Variants in ANTXR2 observed in about 807,000 individuals in gnomAD.
The protein encoded by ANTXR2 is ANTXR cell adhesion molecule 2.
Under a neutral mutation model 73.7 loss-of-function variants are expected in ANTXR2, and 44 were observed. The observed-to-expected ratio is 0.60, with a 90% CI of 0.47 to 0.77. ANTXR2 has a LOEUF of 0.77. Among genes scored for constraint, ANTXR2 ranks in the 30% least tolerant of loss-of-function variants. The pLI, the probability that ANTXR2 is intolerant of heterozygous loss-of-function variation, is 0.00. For missense variants in ANTXR2, 604 were observed against 592.5 expected (o/e 1.02, Z -0.20); for synonymous variants, 217 against 205.9 (o/e 1.05, Z -0.46).
At chr4:79,924,269 C>T (rs933682560) in intron 16 of ANTXR2, among the ~76,000 whole-genome samples, 3 of 152,046 alleles carry the variant, frequency 2.0e-5, no homozygotes, top group Admixed American at 6.6e-5. Context: ...GGTTTAAATA[C>T]TGGGTACTTC....
chr4:79,951,579 A>C (rs60021165), intron 16 of ANTXR2, among the ~76,000 whole-genome samples: 61 of 123,362 alleles, frequency 4.9e-4, no homozygotes, highest in African/African-American at 1.3e-3. Flanking sequence ...CTATCTCAAA[A>C]AACAACAACA....
At chr4:79,973,810 G>A (rs1333000008) in intron 16 of ANTXR2, among the ~76,000 whole-genome samples, 2 of 152,152 alleles carry the variant, frequency 1.3e-5, no homozygotes, top group Non-Finnish European at 2.9e-5. Flanking sequence ...TGGGGGTGAA[G>A]ATTTCTCAAG....
At chr4:80,061,994 T>C (rs966793435) in intron 3 of ANTXR2, among the ~76,000 whole-genome samples, 1 of 152,192 alleles carries the variant, frequency 6.6e-6, no homozygotes, top group African/African-American at 2.4e-5. Context: ...AGGTTTCAAA[T>C]GAGTGAAAGA....
intron 12 of ANTXR2, among the ~76,000 whole-genome samples, chr4:79,986,815 G>A (rs1730187480): frequency 6.6e-6 from 1 of 152,114 alleles, no homozygotes; most frequent in Non-Finnish European, 1.5e-5. Flanking sequence ...ACCTCGAGAG[G>A]TCAAAGAACA....
intron 7 of ANTXR2, among the ~76,000 whole-genome samples, chr4:80,046,593 G>A (rs1733523255): frequency 6.6e-6 from 1 of 151,668 alleles, no homozygotes; most frequent in South Asian, 2.1e-4. Context: ...GTTTTACTAA[G>A]ACATGAAGTA....
At chr4:79,954,565 A>G (rs945363189) in intron 16 of ANTXR2, among the ~76,000 whole-genome samples, 2 of 152,122 alleles carry the variant, frequency 1.3e-5, no homozygotes, top group Non-Finnish European at 2.9e-5. Context: ...AGCCTTGTGC[A>G]ATGTGCCACT....
intron 10 of ANTXR2, among the ~76,000 whole-genome samples, chr4:80,028,085 A>C (rs920335297): frequency 1.3e-5 from 2 of 152,186 alleles, no homozygotes; most frequent in Non-Finnish European, 2.9e-5. Flanking sequence ...AAAAATAGAA[A>C]ACAACCTCAC....
chr4:79,987,628 T>C (rs1312327867), intron 12 of ANTXR2, among the ~76,000 whole-genome samples: 3 of 152,056 alleles, frequency 2.0e-5, no homozygotes, highest in Non-Finnish European at 4.4e-5. Flanking sequence ...ATTCAGAGAA[T>C]CTTTAAAATA....
chr4:79,928,917 A>G (rs2109957597), intron 16 of ANTXR2, among the ~76,000 whole-genome samples: 1 of 152,352 alleles, frequency 6.6e-6, no homozygotes, highest in African/African-American at 2.4e-5. Flanking sequence ...GTGTAACTCA[A>G]AATTATATTT....
In ANTXR2 at chr4:80,055,464, T is replaced by A. The variant is rs372783343; in HGVS notation, c.382A>T (p.Asn128Tyr). 2 of 1,607,694 alleles carry A rather than the reference T, an allele frequency of 1.2e-6. No homozygotes were observed. Among genetic ancestry groups the A allele is most frequent in the African/African-American group, 2.7e-5 (2 of 74,636 alleles). The change falls in exon 5 of 17, where the codon AAT becomes TAT. Residue 128 changes from asparagine (N) to tyrosine (Y), a missense_variant. Asn to Tyr is a moderately radical substitution (Grantham distance 143). Coordinates refer to ENST00000403729, the MANE Select transcript of ANTXR2 (RefSeq NM_058172.6). ...CCTCCTGCTTTCTGAATTTGTTCAT[T>A]CGCCTGAAAATGAAGAATAATTATC... ...TYIHEGLKLA[N>Y]EQIQKAGGLK...
chr4:79,987,183 A>G (rs1730205736), intron 12 of ANTXR2, among the ~76,000 whole-genome samples: 2 of 152,052 alleles, frequency 1.3e-5, no homozygotes, highest in Non-Finnish European at 2.9e-5. Flanking sequence ...GATGGCGGAG[A>G]AGCCCAGTGA....
At chr4:80,026,564 A>G (rs1383916147) in intron 10 of ANTXR2, among the ~76,000 whole-genome samples, 1 of 152,156 alleles carries the variant, frequency 6.6e-6, no homozygotes, top group Non-Finnish European at 1.5e-5. Flanking sequence ...ATAGGTGTCC[A>G]TCTTTAAATA....
intron 16 of ANTXR2, among the ~76,000 whole-genome samples, chr4:79,935,116 C>T (rs1728211001): frequency 6.6e-6 from 1 of 151,806 alleles, no homozygotes; most frequent in Non-Finnish European, 1.5e-5. Flanking sequence ...CTGAATAATG[C>T]TGGCCTTTGC....
intron 7 of ANTXR2, among the ~76,000 whole-genome samples, chr4:80,039,471 A>G (rs1733131940): frequency 6.6e-6 from 1 of 152,168 alleles, no homozygotes; most frequent in Non-Finnish European, 1.5e-5. Flanking sequence ...CAAGATATCA[A>G]AATGGGTGAA....
intron 4 of ANTXR2, 73 bp from the exon 5 acceptor site, chr4:80,055,540 A>G: frequency 1.6e-6 from 2 of 1,262,886 alleles, no homozygotes; most frequent in Non-Finnish European, 2.2e-6. Flanking sequence ...ATCAAGCTGA[A>G]TTTGTAAGTC....
At chr4:79,973,233 A>G (rs1729498781) in intron 16 of ANTXR2, among the ~76,000 whole-genome samples, 1 of 152,250 alleles carries the variant, frequency 6.6e-6, no homozygotes, top group Non-Finnish European at 1.5e-5. Context: ...CCCTTCAATT[A>G]TCCTAATAAT....
At position 79,902,870 on chromosome 4, in the gene ANTXR2, G is replaced by T. The variant is rs986829225; in HGVS notation, c.*4559C>A. On this transcript the variant is annotated 3_prime_UTR_variant, in exon 17 of 17. Transcript: ENST00000403729. ...CATATTAATAGAAATGTAGTCAGAGGCCTGGTGCAGTAGCTTGTGCCTGTA... is the reference window on the plus strand; with the variant it reads ...CATATTAATAGAAATGTAGTCAGAGTCCTGGTGCAGTAGCTTGTGCCTGTA... 2 of 152,040 alleles carry T rather than the reference G, an allele frequency of 1.3e-5. No homozygotes were observed. Among genetic ancestry groups the T allele is most frequent in the Non-Finnish European group, 2.9e-5 (2 of 68,016 alleles). The allele number at this position is 152,040 out of a possible 1,614,324, so 9.4% of individuals were successfully genotyped here. A position where few individuals can be genotyped will look rare whatever the true frequency, so the allele number is the denominator to read the frequency against.
At chr4:79,989,488 G>T (rs747572619) in intron 12 of ANTXR2, among the ~76,000 whole-genome samples, 43 of 151,736 alleles carry the variant, frequency 2.8e-4, no homozygotes, top group Non-Finnish European at 5.9e-4. Flanking sequence ...AACTTGATCA[G>T]TAATAAAAAA....
chr4:79,991,549 T>A (rs1300473863), intron 12 of ANTXR2, among the ~76,000 whole-genome samples: 1 of 152,124 alleles, frequency 6.6e-6, no homozygotes, highest in Admixed American at 6.6e-5. Flanking sequence ...GTTTGAAGAT[T>A]TCTCAGAGAA....
Sources: gnomAD v4.1 joint callset for allele counts (sites outside exome capture counted in the v4.1 genomes callset) on GRCh38, gnomAD v4.1.1 for gene constraint, MANE v1.5 for transcripts, NCBI Gene and HGNC (gene_info 2026-07-23, HGNC 2026-07-21) for gene names.